Variants in NMNAT3 observed in about 807,000 individuals in gnomAD.
NMNAT3 encodes the protein nicotinamide/nicotinic acid mononucleotide adenylyltransferase 3.
NMNAT3 carries 21 observed loss-of-function variants against 24.8 expected under a neutral mutation model. The ratio of observed to expected loss-of-function variants is 0.85; its 90% CI spans 0.60 to 1.22. The LOEUF (loss-of-function observed/expected upper bound fraction) is 1.22. NMNAT3 is among the 50% of genes most tolerant of loss of function. NMNAT3 has a pLI of 0.00. For missense variants in NMNAT3, 387 were observed against 436.6 expected, an observed-to-expected ratio of 0.89 and a Z score of 1.01; for synonymous variants, 136 against 155.2, an observed-to-expected ratio of 0.88 and a Z score of 0.92.
chr3:139,598,683 G>C (rs1021655559), intron 3 of NMNAT3, among the ~76,000 whole-genome samples: 2 of 152,128 alleles, frequency 1.3e-5, no homozygotes, highest in Non-Finnish European at 2.9e-5. Flanking sequence ...CTGAATCTAT[G>C]AGCATAACAG....
intron 3 of NMNAT3, among the ~76,000 whole-genome samples, chr3:139,604,307 T>C (rs1301710064): frequency 6.6e-6 from 1 of 152,214 alleles, no homozygotes; most frequent in African/African-American, 2.4e-5. Context: ...GGGAGGGGAT[T>C]ACAGCAGACA....
intron 3 of NMNAT3, among the ~76,000 whole-genome samples, chr3:139,602,489 G>C (rs778675576): frequency 1.3e-5 from 2 of 152,216 alleles, no homozygotes; most frequent in African/African-American, 2.4e-5. Context: ...ATTTTTCAAA[G>C]TGAAGTCTGC....
At chr3:139,571,664 G>T (rs888292399) in intron 6 of NMNAT3, among the ~76,000 whole-genome samples, 2 of 152,134 alleles carry the variant, frequency 1.3e-5, no homozygotes, top group African/African-American at 4.8e-5. Flanking sequence ...CCTGGAGTGG[G>T]CTTTGGCAGA....
At position 139,590,980 on chromosome 3, in the gene NMNAT3, T is replaced by A. The variant is rs559310660; in HGVS notation, c.110-7772A>T. 2.0e-5 allele frequency among the ~76,000 whole-genome samples: 3 copies of A among 152,268 alleles called. No individual in the cohort carries two copies. The South Asian group carries it at 6.2e-4, about 32-fold the overall frequency. ...CAGAGGAGGAGCCAAGATGGCCGAA[T>A]AGGAACAGCTCCGGTCTACAGCTCC... On this transcript the variant is annotated intron_variant, in intron 3 of 6. Transcript: ENST00000643695.
At chr3:139,629,578 A>C (rs1439280120) in intron 2 of NMNAT3, among the ~76,000 whole-genome samples, 1 of 152,218 alleles carries the variant, frequency 6.6e-6, no homozygotes, top group Non-Finnish European at 1.5e-5. Flanking sequence ...TCTTGCTGTG[A>C]TGGTCTTAGC....
At chr3:139,573,212 AG>A (rs1469603887) in intron 6 of NMNAT3, among the ~76,000 whole-genome samples, 1 of 152,184 alleles carries the variant, frequency 6.6e-6, no homozygotes, top group Non-Finnish European at 1.5e-5. Flanking sequence ...ATAAAGTCTT[AG>A]TCTCTTTGTT....
chr3:139,566,555 G>T (rs1343215068), intron 6 of NMNAT3: 1 of 152,042 alleles, frequency 6.6e-6, no homozygotes, highest in Non-Finnish European at 1.5e-5. Flanking sequence ...TGTAAGGAAG[G>T]GATCCAGTTT....
intron 3 of NMNAT3, chr3:139,609,939 T>G (rs1307315347): frequency 6.6e-6 from 1 of 152,102 alleles, no homozygotes; most frequent in Non-Finnish European, 1.5e-5. Context: ...AGACTACAGG[T>G]GCACACATTA....
intron 1 of NMNAT3, among the ~76,000 whole-genome samples, chr3:139,661,174 C>G (rs2057403820): frequency 6.6e-6 from 1 of 152,130 alleles, no homozygotes; most frequent in Non-Finnish European, 1.5e-5. Context: ...CTATAAAGAG[C>G]TCAACAAAAG....
chr3:139,658,438 T>G (rs940359046), intron 1 of NMNAT3, among the ~76,000 whole-genome samples: 6 of 152,198 alleles, frequency 3.9e-5, no homozygotes, highest in Admixed American at 1.3e-4. Flanking sequence ...CAAGACCCTC[T>G]GGGGTGGCAA....
chr3:139,568,948 A>T (rs1340386396), intron 6 of NMNAT3: 1 of 152,204 alleles, frequency 6.6e-6, no homozygotes, highest in Non-Finnish European at 1.5e-5. Flanking sequence ...GGAGTGTTAA[A>T]GTCTCCCATT....
intron 1 of NMNAT3, among the ~76,000 whole-genome samples, chr3:139,675,603 C>T (rs1030386584): frequency 3.3e-5 from 5 of 152,188 alleles, no homozygotes; most frequent in Admixed American, 3.3e-4. Context: ...GGCAAAACCA[C>T]TGCAACAGAT....
At chr3:139,619,462 A>T (rs915753824) in intron 3 of NMNAT3, among the ~76,000 whole-genome samples, 1 of 152,164 alleles carries the variant, frequency 6.6e-6, no homozygotes, top group Admixed American at 6.5e-5. Flanking sequence ...TCAATTATCT[A>T]TGTACGCTGT....
intron 4 of NMNAT3, among the ~76,000 whole-genome samples, chr3:139,582,201 A>C (rs1415459810): frequency 3.3e-5 from 5 of 150,822 alleles, no homozygotes; most frequent in African/African-American, 1.2e-4. Flanking sequence ...AAAAAAAAAA[A>C]AAAAAAAAAA....
intron 6 of NMNAT3, chr3:139,568,997 A>C (rs1386640073): frequency 6.6e-6 from 1 of 152,168 alleles, no homozygotes; most frequent in African/African-American, 2.4e-5. Context: ...GTAGGTCACT[A>C]AGGACTTGCT....
At chr3:139,579,631 T>C (rs1463609507) in intron 4 of NMNAT3, among the ~76,000 whole-genome samples, 3 of 152,150 alleles carry the variant, frequency 2.0e-5, no homozygotes, top group South Asian at 2.1e-4. Flanking sequence ...GAAATAGCCA[T>C]GGACTGTGCT....
chr3:139,610,409 G>A (rs1381672172), intron 3 of NMNAT3, among the ~76,000 whole-genome samples: 1 of 152,090 alleles, frequency 6.6e-6, no homozygotes, highest in African/African-American at 2.4e-5. Context: ...AATCTAACAT[G>A]TGTAGCCTCA....
chr3:139,599,341 G>T, intron 3 of NMNAT3: 1 of 702,456 alleles, frequency 1.4e-6, no homozygotes, highest in Non-Finnish European at 2.6e-6. Flanking sequence ...GAGAAGCTTG[G>T]TGTTTCTGTG....
chr3:139,669,407 G>A (rs752559156), intron 1 of NMNAT3, among the ~76,000 whole-genome samples: 5 of 150,430 alleles, frequency 3.3e-5, no homozygotes, highest in Non-Finnish European at 5.9e-5. Flanking sequence ...CCTGGGAGGC[G>A]GAGGTTGAAG....
Sources: allele counts gnomAD v4.1 joint callset (sites outside exome capture counted in the v4.1 genomes callset), GRCh38; gene constraint gnomAD v4.1.1; transcripts MANE v1.5; gene names NCBI Gene and HGNC (gene_info 2026-07-23, HGNC 2026-07-21).